PDE11A: variants seen among roughly 807,000 people sequenced by gnomAD.
PDE11A encodes dual 3',5'-cyclic-AMP and -GMP phosphodiesterase 11A.
PDE11A carries 100 observed loss-of-function variants against 100.5 expected under a neutral mutation model. That is an observed-to-expected ratio of 1.00 (90% CI 0.85 to 1.18). The LOEUF is 1.18. Ranked by LOEUF, PDE11A falls within the 50% of genes most tolerant of loss-of-function variation. The pLI, the probability that PDE11A is intolerant of heterozygous loss-of-function variation, is 0.00. For synonymous variants in PDE11A, 381 were observed against 420.8 expected, an observed-to-expected ratio of 0.91 and a Z score of 1.16; for missense variants, 1,141 against 1,152.6, an observed-to-expected ratio of 0.99 and a Z score of 0.15.
At chr2:178,106,375 C>T (rs1387790784) in intron 1 of PDE11A, among the ~76,000 whole-genome samples, 1 of 152,300 alleles carries the variant, frequency 6.6e-6, no homozygotes, top group East Asian at 1.9e-4. Flanking sequence ...GTTCAGGTTT[C>T]ATGGAAAGCC....
At chr2:178,011,268 A>G (rs1356066360) in intron 2 of PDE11A, among the ~76,000 whole-genome samples, 1 of 152,134 alleles carries the variant, frequency 6.6e-6, no homozygotes, top group Admixed American at 6.6e-5. Flanking sequence ...GAGCAAAAAA[A>G]TAGGGAAGGT....
intron 9 of PDE11A, among the ~76,000 whole-genome samples, chr2:177,810,423 G>A (rs758610928): frequency 2.0e-5 from 3 of 152,106 alleles, no homozygotes; most frequent in Non-Finnish European, 2.9e-5. Flanking sequence ...AGGGCAAACA[G>A]GAACAAAAAA....
In PDE11A at chr2:178,072,074, T is replaced by A; in HGVS notation, c.364A>T (p.Arg122Trp). The stretch of plus-strand genomic sequence containing the variant: ...GCCTTGGAGCGGGCAAAACTCTTCC[T>A]TAGCTCTTTCTGAGAAGCTCTCCGC... Reference protein sequence around the residue: ...LQRRASQKELRKSFARSKAIH... With the variant: ...LQRRASQKELWKSFARSKAIH... The change falls in exon 1 of 20, where the codon AGG becomes TGG. Residue 122 changes from arginine (R) to tryptophan (W), a missense_variant. By Grantham distance (101) the Arg-to-Trp change is moderately radical. Transcript: ENST00000286063. 6.2e-7 allele frequency: 1 copy of A among 1,614,128 alleles called. No individual in the cohort carries two copies. Among genetic ancestry groups the A allele is most frequent in the African/African-American group, 1.3e-5 (1 of 75,048 alleles).
At chr2:177,849,715 G>A (rs1023514505) in intron 5 of PDE11A, among the ~76,000 whole-genome samples, 8 of 151,384 alleles carry the variant, frequency 5.3e-5, no homozygotes, top group South Asian at 4.2e-4. Context: ...GCGTGAACCC[G>A]GGAGGTGGAG....
chr2:177,658,600 T>C (rs1408189308), intron 19 of PDE11A, among the ~76,000 whole-genome samples: 1 of 152,052 alleles, frequency 6.6e-6, no homozygotes, highest in African/African-American at 2.4e-5. Flanking sequence ...ATTCCATATA[T>C]ATACCCCCTT....
chr2:177,830,967 C>T (rs746153690), intron 6 of PDE11A, among the ~76,000 whole-genome samples: 5 of 152,132 alleles, frequency 3.3e-5, no homozygotes, highest in Non-Finnish European at 7.3e-5. Flanking sequence ...GTAGTTCTAG[C>T]TCTGTGACAT....
intron 1 of PDE11A, among the ~76,000 whole-genome samples, chr2:178,069,614 G>C (rs1229906879): frequency 6.6e-6 from 1 of 151,716 alleles, no homozygotes; most frequent in African/African-American, 2.4e-5. Context: ...CTTTCCCAAT[G>C]TCAGCTTCCA....
chr2:177,823,687 C>A (rs923040250), intron 6 of PDE11A, among the ~76,000 whole-genome samples: 6 of 152,148 alleles, frequency 3.9e-5, no homozygotes, highest in African/African-American at 1.4e-4. Flanking sequence ...AGGATAAAAT[C>A]TGAATTAAGG....
At chr2:177,919,938 A>G (rs149415536) in intron 2 of PDE11A, among the ~76,000 whole-genome samples, 54 of 152,292 alleles carry the variant, frequency 3.5e-4, no homozygotes, top group African/African-American at 1.2e-3. Context: ...ACTTAAAGGA[A>G]CAGAAGTCCA....
chr2:177,678,293 G>A lies in PDE11A; in HGVS notation c.2423+2533C>T, dbSNP rs530498536. ...AGTTTGAGAGGTTCTAAATGGTTAG[G>A]AACTTACTATTGAAAGTGTATAGCT... On this transcript the variant is annotated intron_variant, in intron 16 of 19. Coordinates refer to ENST00000286063, the MANE Select transcript of PDE11A (RefSeq NM_016953.4). Among the ~76,000 whole-genome samples, 151 of 152,266 alleles carry A rather than the reference G, an allele frequency of 9.9e-4. 1 individual carries two copies. Among genetic ancestry groups the A allele is most frequent in the Middle Eastern group, 3.4e-3 (1 of 294 alleles).
At chr2:178,019,408 TA>T (rs1559044002) in intron 1 of PDE11A, among the ~76,000 whole-genome samples, 1 of 152,158 alleles carries the variant, frequency 6.6e-6, no homozygotes, top group African/African-American at 2.4e-5. Flanking sequence ...CCTACAAGTA[TA>T]AAAGTATAAA....
upstream of PDE11A, among the ~76,000 whole-genome samples, chr2:178,077,670 C>A (rs747356405): frequency 6.6e-6 from 1 of 152,132 alleles, no homozygotes; most frequent in Non-Finnish European, 1.5e-5. Flanking sequence ...TGAATGTCAC[C>A]TTACTGGGAA....
intron 9 of PDE11A, among the ~76,000 whole-genome samples, chr2:177,802,895 A>C (rs994199346): frequency 2.6e-5 from 4 of 152,070 alleles, no homozygotes; most frequent in African/African-American, 9.6e-5. Flanking sequence ...CTGCAAAAGC[A>C]CTTGTATAAA....
chr2:178,014,489 T>C lies in PDE11A; in HGVS notation c.913-29A>G, dbSNP rs996572262. ...AAAATAAGACAAAGAAAGCATTAAC[T>C]GCATGTGCATTGTTGTCAGGGAGAA... On this transcript the variant is annotated intron_variant, in intron 1 of 19. Transcript: ENST00000286063. 3 of 1,586,346 alleles carry C rather than the reference T, an allele frequency of 1.9e-6. No individual in the cohort carries two copies. In the African/African-American group the frequency reaches 4.0e-5, roughly 21 times the overall value.
At chr2:178,068,275 A>G (rs1280269600) in intron 1 of PDE11A, among the ~76,000 whole-genome samples, 1 of 151,932 alleles carries the variant, frequency 6.6e-6, no homozygotes, top group African/African-American at 2.4e-5. Context: ...CCTAATTTCA[A>G]GTCTGTCTTT....
intron 9 of PDE11A, among the ~76,000 whole-genome samples, chr2:177,811,177 T>C (rs918138327): frequency 2.6e-5 from 4 of 152,144 alleles, no homozygotes; most frequent in Non-Finnish European, 5.9e-5. Context: ...GTATTGTGGC[T>C]TTTAGAAAAA....
intron 10 of PDE11A, among the ~76,000 whole-genome samples, chr2:177,749,929 C>T (rs1338179306): frequency 6.6e-6 from 1 of 152,156 alleles, no homozygotes; most frequent in East Asian, 1.9e-4. Context: ...AGGGAAGATG[C>T]AGGCTCAAAG....
intron 2 of PDE11A, among the ~76,000 whole-genome samples, chr2:177,955,875 G>A (rs2085555445): frequency 6.6e-6 from 1 of 152,136 alleles, no homozygotes; most frequent in Non-Finnish European, 1.5e-5. Flanking sequence ...AGCTGAAACT[G>A]GATCCCTTCC....
intron 2 of PDE11A, among the ~76,000 whole-genome samples, chr2:177,906,017 A>G (rs2084780236): frequency 6.6e-6 from 1 of 152,224 alleles, no homozygotes; most frequent in Non-Finnish European, 1.5e-5. Flanking sequence ...TTCCAGAGAG[A>G]TAGAATGCTC....
Sources: gnomAD v4.1 joint callset for allele counts (sites outside exome capture counted in the v4.1 genomes callset) on GRCh38, gnomAD v4.1.1 for gene constraint, MANE v1.5 for transcripts, NCBI Gene and HGNC (gene_info 2026-07-23, HGNC 2026-07-21) for gene names.